HSPG2: variants seen among roughly 807,000 people sequenced by gnomAD.
HSPG2 encodes heparan sulfate proteoglycan 2.
HSPG2 carries 278 observed loss-of-function variants against 526.6 expected under a neutral mutation model. The ratio of observed to expected loss-of-function variants is 0.53; its 90% CI spans 0.48 to 0.58. HSPG2 has a LOEUF of 0.58. Ranked by LOEUF, HSPG2 falls within the 20% of genes least tolerant of loss-of-function variation. HSPG2 has a pLI of 0.00. For synonymous variants in HSPG2, 2,465 were observed against 2,555.4 expected, an observed-to-expected ratio of 0.96 and a Z score of 1.07; for missense variants, 5,354 against 6,099.5, an observed-to-expected ratio of 0.88 and a Z score of 4.07.
At chr1:21,908,408 G>A (rs1425981465) in intron 1 of HSPG2, 3 of 976,248 alleles carry the variant, frequency 3.1e-6, no homozygotes, top group Non-Finnish European at 4.9e-6. Flanking sequence ...AGCCGAGATA[G>A]CTTCCTGAAA....
Position 21,873,055 on chromosome 1 carries a change from C to G in HSPG2, c.3830G>C (p.Cys1277Ser). Residue 1277 changes from cysteine (C) to serine (S), a missense_variant, in exon 31 of 97, where the codon TGT becomes TCT. Coordinates refer to ENST00000374695, the MANE Select transcript of HSPG2 (RefSeq NM_005529.7). ...SQVPGPIGCN[C>S]DPQGSVSSQC... ...GCTGCTGACGCTGCCTTGGGGGTCA[C>G]AGTTGCAGCCTATGGGCCCTGGCAC... 6.2e-7 allele frequency: 1 copy of G among 1,603,792 alleles called. No homozygotes were observed. Among genetic ancestry groups the G allele is most frequent in the Non-Finnish European group, 8.5e-7 (1 of 1,179,964 alleles).
rs775760692 is a variant in HSPG2, at chr1:21,880,743, G to A, written c.1911C>T (p.Leu637=). Reference sequence around the variant, plus strand: ...AGAGGAGGCGGTACCCGGCACCCATGAGGACCACGTCCGGCCGCTGCACTG... The same window carrying A: ...AGAGGAGGCGGTACCCGGCACCCATAAGGACCACGTCCGGCCGCTGCACTG... ...LEPVQRPDVV[L]MGAGYRLLSR... The change falls in exon 15 of 97, where the codon CTC becomes CTT. Residue 637 remains leucine (L), a synonymous_variant. Coordinates refer to ENST00000374695, the MANE Select transcript of HSPG2 (RefSeq NM_005529.7). 11 of 1,601,300 alleles carry A rather than the reference G, an allele frequency of 6.9e-6. No homozygotes were observed. Among genetic ancestry groups the A allele is most frequent in the Non-Finnish European group, 8.5e-6 (10 of 1,174,682 alleles).
intron 33 of HSPG2, among the ~76,000 whole-genome samples, chr1:21,871,653 T>C (rs1640661865): frequency 6.6e-6 from 1 of 152,190 alleles, no homozygotes; most frequent in Non-Finnish European, 1.5e-5. Context: ...CAAGCCCCTC[T>C]TGCCTTATTT....
intron 1 of HSPG2, among the ~76,000 whole-genome samples, chr1:21,915,848 G>A (rs531203316): frequency 1.3e-5 from 2 of 151,810 alleles, no homozygotes; most frequent in East Asian, 3.9e-4. Flanking sequence ...TCAGGAGTTC[G>A]AGACCAGCCT....
At chr1:21,838,800 T>C (rs745607488) in intron 74 of HSPG2, 25 bp downstream of exon 74, 4 of 1,608,900 alleles carry the variant, frequency 2.5e-6, no homozygotes, top group African/African-American at 1.3e-5. Flanking sequence ...GTGATCCCCT[T>C]CCACGCAGAG....
At chr1:21,878,080 A>T in intron 21 of HSPG2, 106 bp downstream of exon 21, 2 of 1,048,428 alleles carry the variant, frequency 1.9e-6, no homozygotes, top group Non-Finnish European at 1.4e-6. Context: ...CTGGGTTACC[A>T]CCCACTGGCC....
intron 62 of HSPG2, among the ~76,000 whole-genome samples, chr1:21,846,982 A>G (rs1368914110): frequency 6.6e-6 from 1 of 152,068 alleles, no homozygotes; most frequent in Non-Finnish European, 1.5e-5. Context: ...CCTGGGTGAC[A>G]GAGCGAGACT....
chr1:21,873,559 G>C, intron 29 of HSPG2, 135 bp from the exon 30 acceptor site: 2 of 924,792 alleles, frequency 2.2e-6, no homozygotes, highest in Non-Finnish European at 3.5e-6. Flanking sequence ...CCCATGTTAC[G>C]GGGAAACTGG....
At chr1:21,862,835 T>C (rs1345531705) in intron 37 of HSPG2, among the ~76,000 whole-genome samples, 1 of 20,816 alleles carries the variant, frequency 4.8e-5, no homozygotes, top group Middle Eastern at 0.056. Context: ...AGGACGTGGG[T>C]GGATCACCTG....
Position 21,873,135 on chromosome 1 carries a change from C to G in HSPG2, c.3794-44G>C, listed in dbSNP as rs771852851. On this transcript the variant is annotated intron_variant, in intron 30 of 96. Coordinates refer to ENST00000374695, the MANE Select transcript of HSPG2 (RefSeq NM_005529.7). Reference sequence around the variant, plus strand: ...ATGGCTGGAGCCCCAAACCCGCCACCCAGCACCCCTCTTCCCTCCACTCTG... The same window carrying G: ...ATGGCTGGAGCCCCAAACCCGCCACGCAGCACCCCTCTTCCCTCCACTCTG... 8 of 1,487,082 alleles carry G rather than the reference C, an allele frequency of 5.4e-6. No homozygotes were observed. In the South Asian group the frequency reaches 9.0e-5, roughly 17 times the overall value. 92.1% of individuals were successfully genotyped at this position (1,487,082 alleles called of 1,614,324 possible).
Position 21,840,630 on chromosome 1 carries a change from G to A in HSPG2, c.9513+471C>T, listed in dbSNP as rs532986960. ...CTAATTTTGTATTTTTAGTAGAGACGGGGTTTCACCATATTGGCCAGGGTG... is the reference window on the plus strand; with the variant it reads ...CTAATTTTGTATTTTTAGTAGAGACAGGGTTTCACCATATTGGCCAGGGTG... On this transcript the variant is annotated intron_variant, in intron 71 of 96. Coordinates refer to ENST00000374695, the MANE Select transcript of HSPG2 (RefSeq NM_005529.7). Among the ~76,000 whole-genome samples the A allele has an allele frequency of 3.9e-5, 6 of 152,156 alleles. No individual in the cohort carries two copies. In the South Asian group the frequency reaches 6.2e-4, roughly 16 times the overall value.
At chr1:21,935,198 C>A (rs1644457800) in intron 1 of HSPG2, among the ~76,000 whole-genome samples, 1 of 152,204 alleles carries the variant, frequency 6.6e-6, no homozygotes, top group Non-Finnish European at 1.5e-5. Context: ...AGCCACCGCG[C>A]CTGGCCTGAA....
At chr1:21,889,831 T>C (rs1572377089) in intron 6 of HSPG2, 150 bp downstream of exon 6, 3 of 814,152 alleles carry the variant, frequency 3.7e-6, no homozygotes, top group Non-Finnish European at 6.3e-6. Context: ...CAAGCCAAGA[T>C]TGTGTAAAGA....
chr1:21,874,699 T>C lies in HSPG2; in HGVS notation c.3445A>G (p.Ser1149Gly). 1.2e-6 allele frequency: 2 copies of C among 1,608,942 alleles called. No homozygotes were observed. The highest frequency in any genetic ancestry group is 1.7e-6 in the Non-Finnish European group (2 of 1,177,632). ...DCDTGYTRTP[S>G]GLYLGTCERC... is the part of the protein sequence containing the mutation. ...TCACAGGTACCCAGGTAGAGGCCAC[T>C]GGGCGTGCGTGTGTAGCCTGTGTCA... Residue 1149 changes from serine to glycine, a missense_variant, in exon 27 of 97, where the codon AGT (serine) becomes GGT (glycine). Transcript: ENST00000374695.
chr1:21,926,803 G>T (rs2152802291), intron 1 of HSPG2, among the ~76,000 whole-genome samples: 1 of 143,200 alleles, frequency 7.0e-6, no homozygotes, highest in South Asian at 2.3e-4. Flanking sequence ...GAAAGAAAAT[G>T]ATAGAGTAGA....
At chr1:21,827,064 G>C (rs1202586422) in intron 91 of HSPG2, among the ~76,000 whole-genome samples, 1 of 151,890 alleles carries the variant, frequency 6.6e-6, no homozygotes, top group Non-Finnish European at 1.5e-5. Flanking sequence ...AAAAATTAGC[G>C]GGGTGTGGTG....
At chr1:21,827,951 C>A in intron 90 of HSPG2, 32 bp from the exon 91 acceptor site, 1 of 1,608,322 alleles carries the variant, frequency 6.2e-7, no homozygotes, top group Non-Finnish European at 8.5e-7. Flanking sequence ...AGTTGGTGGG[C>A]ATAGACACCC....
rs1358118212 is a variant in HSPG2 at position 21,847,783 on chromosome 1, C to T, written c.7931G>A (p.Gly2644Glu). 6 of 1,613,584 alleles carry T rather than the reference C, an allele frequency of 3.7e-6. No individual in the cohort carries two copies. The highest frequency in any genetic ancestry group is 5.1e-6 in the Non-Finnish European group (6 of 1,179,970). The change falls in exon 61 of 97, where the codon GGG (glycine) becomes GAG (glutamate). Residue 2644 changes from glycine to glutamate, a missense_variant. Transcript: ENST00000374695. The surrounding 1 kb of genome is among the most constrained non-coding windows in gnomAD (Gnocchi z 4.1). The part of the protein sequence containing the change: ...IESSSPTVVE[G>E]QTLDLNCVVA... ...CACGCAGTTCAGATCCAAGGTCTGC[C>T]CTTCCACCACCGTGGGGGAAGACGA...
rs371243039 is a variant in HSPG2 at position 21,881,412 on chromosome 1, A to G, written c.1745T>C (p.Leu582Pro). Residue 582 changes from leucine to proline, a missense_variant, in exon 14 of 97, where the codon CTA becomes CCA. Leu to Pro is a moderately conservative substitution (Grantham distance 98, BLOSUM62 -3). Transcript: ENST00000374695. ...GAGGAAGCGGCGGGACAGGTCGACT[A>G]GCTGGAACTCGTGCAGGGATGGGTC... ...QIDPSLHEFQLVDLSRRFLVH... is the reference protein window; with the variant it reads ...QIDPSLHEFQPVDLSRRFLVH... 1.2e-6 allele frequency: 2 copies of G among 1,614,096 alleles called. No individual in the cohort carries two copies. The highest frequency in any genetic ancestry group is 1.7e-6 in the Non-Finnish European group (2 of 1,180,022).
Sources: gnomAD v4.1 joint callset for allele counts (sites outside exome capture counted in the v4.1 genomes callset) on GRCh38, gnomAD v4.1.1 for gene constraint, Gnocchi (gnomAD v3.1) non-coding constraint, MANE v1.5 for transcripts, NCBI Gene and HGNC (gene_info 2026-07-23, HGNC 2026-07-21) for gene names.